Variants in ATP11A observed in about 807,000 individuals in gnomAD.
The protein encoded by ATP11A is ATPase phospholipid transporting 11A.
A neutral mutation model predicts 154.4 loss-of-function variants in ATP11A; 81 were observed. The ratio of observed to expected loss-of-function variants is 0.52; its 90% CI spans 0.44 to 0.63. ATP11A has a LOEUF of 0.63. Ranked by LOEUF, ATP11A falls within the 30% of genes least tolerant of loss-of-function variation. ATP11A has a pLI of 0.00. For synonymous variants in ATP11A, 623 were observed against 585.9 expected (o/e 1.06, Z -0.91); for missense variants, 1,316 against 1,474.3 (o/e 0.89, Z 1.76).
chr13:112,881,121 A>T, intron 29 of ATP11A: 1 of 987,774 alleles, frequency 1.0e-6, no homozygotes, highest in Non-Finnish European at 1.2e-6. Flanking sequence ...GGCCATGAAG[A>T]CATCTGCTCC....
intron 28 of ATP11A, among the ~76,000 whole-genome samples, chr13:112,877,715 G>T (rs900198092): frequency 5.9e-5 from 9 of 152,200 alleles, no homozygotes; most frequent in Non-Finnish European, 1.3e-4. Flanking sequence ...GGGGGGTTAG[G>T]AGGGCCTCTC....
intron 25 of ATP11A, 45 bp from the exon 26 acceptor site, chr13:112,871,690 A>T (rs2080525561): frequency 6.3e-7 from 1 of 1,583,972 alleles, no homozygotes; most frequent in African/African-American, 1.4e-5. Flanking sequence ...AAGAGAAAAA[A>T]AAATACATAA....
At chr13:112,783,504 G>A (rs1339004253) in intron 1 of ATP11A, among the ~76,000 whole-genome samples, 1 of 152,226 alleles carries the variant, frequency 6.6e-6, no homozygotes, top group Admixed American at 6.5e-5. Flanking sequence ...CCGTGCCTGC[G>A]GCGAGGAGTG....
chr13:112,772,655 C>T (rs1173381383), intron 1 of ATP11A, among the ~76,000 whole-genome samples: 1 of 152,182 alleles, frequency 6.6e-6, no homozygotes, highest in Non-Finnish European at 1.5e-5. Context: ...TCCCGTCATG[C>T]CCCAGCCCAG....
intron 4 of ATP11A, among the ~76,000 whole-genome samples, chr13:112,808,355 C>A (rs2078383817): frequency 6.6e-6 from 1 of 152,058 alleles, no homozygotes; most frequent in Non-Finnish European, 1.5e-5. Context: ...TCACCAGCAC[C>A]CCTGCCTCTG....
intron 1 of ATP11A, among the ~76,000 whole-genome samples, chr13:112,706,868 T>C (rs1887191914): frequency 6.6e-6 from 1 of 152,250 alleles, no homozygotes; most frequent in Non-Finnish European, 1.5e-5. Context: ...CTTAAATCAA[T>C]GTGGTTATGC....
At chr13:112,725,361 T>C (rs1177252200) in intron 1 of ATP11A, among the ~76,000 whole-genome samples, 1 of 152,060 alleles carries the variant, frequency 6.6e-6, no homozygotes, top group Non-Finnish European at 1.5e-5. Context: ...CCCCCTCCAC[T>C]CTCTCTGCTC....
At chr13:112,814,731 A>G (rs1196366319) in intron 5 of ATP11A, among the ~76,000 whole-genome samples, 1 of 152,034 alleles carries the variant, frequency 6.6e-6, no homozygotes, top group East Asian at 1.9e-4. Context: ...ATGCCCACCA[A>G]TCCCACACTG....
chr13:112,743,175 A>G (rs370520761), intron 1 of ATP11A, among the ~76,000 whole-genome samples: 59 of 152,344 alleles, frequency 3.9e-4, no homozygotes, highest in African/African-American at 1.4e-3. Context: ...TGATGAACAC[A>G]TGTATTTTGT....
chr13:112,750,516 C>T (rs1195700677), intron 1 of ATP11A, among the ~76,000 whole-genome samples: 5 of 79,864 alleles, frequency 6.3e-5, no homozygotes, highest in African/African-American at 3.4e-4. Flanking sequence ...CATCCTCCCA[C>T]GTGGGGACAC....
At chr13:112,814,912 G>C (rs190056656) in intron 5 of ATP11A, among the ~76,000 whole-genome samples, 39 of 152,288 alleles carry the variant, frequency 2.6e-4, no homozygotes, top group Admixed American at 1.9e-3. Context: ...TTTTGATAGG[G>C]ATTTTACTAA....
intron 1 of ATP11A, among the ~76,000 whole-genome samples, chr13:112,725,077 G>A (rs1242323109): frequency 2.0e-5 from 3 of 152,168 alleles, no homozygotes; most frequent in Middle Eastern, 3.2e-3. Flanking sequence ...GCCTCTTGCC[G>A]TAGGTTGCCG....
chr13:112,712,093 G>A (rs1168841981), intron 1 of ATP11A, among the ~76,000 whole-genome samples: 1 of 152,212 alleles, frequency 6.6e-6, no homozygotes, highest in East Asian at 1.9e-4. Context: ...GAAGCTGCCA[G>A]GTGCCTCCTT....
intron 19 of ATP11A, among the ~76,000 whole-genome samples, chr13:112,855,235 C>T (rs1465515653): frequency 6.6e-6 from 1 of 152,134 alleles, no homozygotes; most frequent in Non-Finnish European, 1.5e-5. Context: ...GAGATGGAGC[C>T]TCAATCTGTC....
chr13:112,794,646 G>A (rs1266421160), intron 2 of ATP11A, among the ~76,000 whole-genome samples: 1 of 152,142 alleles, frequency 6.6e-6, no homozygotes, highest in African/African-American at 2.4e-5. Flanking sequence ...GAAGCGGGCG[G>A]ATCACGAGGT....
chr13:112,735,474 T>A (rs769426475), intron 1 of ATP11A, among the ~76,000 whole-genome samples: 18 of 152,218 alleles, frequency 1.2e-4, no homozygotes, highest in Non-Finnish European at 2.6e-4. Flanking sequence ...TCAAAGCATT[T>A]TATTTGTATA....
intron 15 of ATP11A, among the ~76,000 whole-genome samples, chr13:112,835,421 G>A (rs767974994): frequency 1.3e-5 from 2 of 152,214 alleles, no homozygotes; most frequent in African/African-American, 4.8e-5. Flanking sequence ...CCCTTGATTC[G>A]GCGGGGCTCC....
chr13:112,871,608 T>C, intron 25 of ATP11A, 127 bp from the exon 26 acceptor site: 1 of 860,056 alleles, frequency 1.2e-6, no homozygotes, highest in Non-Finnish European at 1.9e-6. Flanking sequence ...AATATAGTGC[T>C]TATATCTTTG....
chr13:112,789,607 G>A (rs1261369467), intron 2 of ATP11A, among the ~76,000 whole-genome samples: 1 of 150,918 alleles, frequency 6.6e-6, no homozygotes, highest in African/African-American at 2.4e-5. Context: ...GACCCCTGTG[G>A]AGACCTACTT....
Sources: allele counts gnomAD v4.1 joint callset (sites outside exome capture counted in the v4.1 genomes callset), GRCh38; gene constraint gnomAD v4.1.1; transcripts MANE v1.5; gene names NCBI Gene and HGNC (gene_info 2026-07-23, HGNC 2026-07-21).